The following ADGRV1 variants were observed in gnomAD, a reference collection of about 807,000 sequenced individuals.
The protein encoded by ADGRV1 is adhesion G protein-coupled receptor V1.
ADGRV1 carries 359 observed loss-of-function variants against 596.2 expected under a neutral mutation model. The observed-to-expected ratio is 0.60, with a 90% CI of 0.55 to 0.66. The LOEUF (loss-of-function observed/expected upper bound fraction) is 0.66, where lower values mean the gene tolerates loss of function less well. ADGRV1 is among the 30% of genes least tolerant of loss of function. The pLI, the probability that ADGRV1 is intolerant of heterozygous loss-of-function variation, is 0.00. For synonymous variants in ADGRV1, 2,681 were observed against 2,679.2 expected, an observed-to-expected ratio of 1.00 and a Z score of -0.02; for missense variants, 7,274 against 7,575.6, an observed-to-expected ratio of 0.96 and a Z score of 1.48.
intron 83 of ADGRV1, among the ~76,000 whole-genome samples, chr5:90,875,130 T>C (rs1367574074): frequency 6.6e-6 from 1 of 152,146 alleles, no homozygotes; most frequent in Non-Finnish European, 1.5e-5. Context: ...CAGTGAGCTA[T>C]GATTGTGAAT....
intron 85 of ADGRV1, among the ~76,000 whole-genome samples, chr5:91,043,396 G>A (rs1785529356): frequency 6.6e-6 from 1 of 152,070 alleles, no homozygotes; most frequent in South Asian, 2.1e-4. Context: ...GGGCTCTAGA[G>A]GTTCTTGCTA....
chr5:90,822,623 GT>G (rs1763677726), intron 75 of ADGRV1, among the ~76,000 whole-genome samples: 1 of 152,134 alleles, frequency 6.6e-6, no homozygotes, highest in Non-Finnish European at 1.5e-5. Flanking sequence ...CTCTTTTTTG[GT>G]TCCATATGAA....
At chr5:90,995,008 C>T (rs1781297916) in intron 85 of ADGRV1, among the ~76,000 whole-genome samples, 1 of 152,186 alleles carries the variant, frequency 6.6e-6, no homozygotes, top group Admixed American at 6.5e-5. Context: ...AGTCTAGGGC[C>T]TTCTCAGGTC....
chr5:90,936,609 C>G (rs1218114636), intron 83 of ADGRV1, among the ~76,000 whole-genome samples: 1 of 151,504 alleles, frequency 6.6e-6, no homozygotes, highest in Non-Finnish European at 1.5e-5. Flanking sequence ...ATATTTTTAT[C>G]TTTACTTGGC....
intron 1 of ADGRV1, among the ~76,000 whole-genome samples, chr5:90,576,519 GAC>G (rs1414778360): frequency 3.3e-5 from 5 of 152,124 alleles, no homozygotes; most frequent in Non-Finnish European, 7.3e-5. Flanking sequence ...ATCACTGATG[GAC>G]ATTTGGGTTG....
At chr5:90,712,094 TA>T (rs1006031644) in intron 41 of ADGRV1, among the ~76,000 whole-genome samples, 192 bp from the exon 42 acceptor site, 42 of 152,246 alleles carry the variant, frequency 2.8e-4, no homozygotes, top group African/African-American at 1.0e-3. Context: ...AGCCCCCTCT[TA>T]ATTTTTACTT....
At chr5:91,020,098 T>C (rs1015505285) in intron 85 of ADGRV1, among the ~76,000 whole-genome samples, 1 of 152,088 alleles carries the variant, frequency 6.6e-6, no homozygotes, top group African/African-American at 2.4e-5. Flanking sequence ...GCATATTGGC[T>C]ATGATTTCTT....
chr5:90,904,460 T>G (rs1280554709), intron 83 of ADGRV1, among the ~76,000 whole-genome samples: 1 of 152,136 alleles, frequency 6.6e-6, no homozygotes, highest in Non-Finnish European at 1.5e-5. Context: ...CCAGTTTAAC[T>G]GGGGTGAGCT....
At chr5:90,565,863 G>A in intron 1 of ADGRV1, among the ~76,000 whole-genome samples, 1 of 152,104 alleles carries the variant, frequency 6.6e-6, no homozygotes, top group Admixed American at 6.5e-5. Flanking sequence ...CCTATTCGGT[G>A]TGAAGTGGTA....
intron 85 of ADGRV1, among the ~76,000 whole-genome samples, chr5:91,054,869 C>A (rs896369089): frequency 9.2e-5 from 14 of 152,008 alleles, no homozygotes; most frequent in African/African-American, 3.4e-4. Context: ...TAGAGGAGGC[C>A]ACTGAGATTG....
rs1759142358 is a variant in ADGRV1 at position 90,783,940 on chromosome 5, T to A, written c.13536T>A (p.Ser4512=). ...GAATCATAATAGCTAAGAGTGACTCTCCCTTTGGAGTTATAAGGTTTCTCA... is the reference window on the plus strand; with the variant it reads ...GAATCATAATAGCTAAGAGTGACTCACCCTTTGGAGTTATAAGGTTTCTCA... The part of the protein sequence containing the change: ...VSRIIIAKSD[S]PFGVIRFLNQ... The change falls in exon 67 of 90, where the codon TCT becomes TCA. Residue 4512 remains serine (S), a synonymous_variant. Transcript: ENST00000405460. 1 of 1,612,258 alleles carries A rather than the reference T, an allele frequency of 6.2e-7. No individual in the cohort carries two copies. Among genetic ancestry groups the A allele is most frequent in the African/African-American group, 1.3e-5 (1 of 74,914 alleles).
intron 87 of ADGRV1, among the ~76,000 whole-genome samples, chr5:91,134,318 G>C (rs1186475953): frequency 1.3e-5 from 2 of 151,994 alleles, no homozygotes; most frequent in African/African-American, 4.8e-5. Flanking sequence ...ATCCCAGGTA[G>C]CTGGGATTAT....
chr5:90,976,314 GTGTGTGTGTA>G (rs1172400754), intron 84 of ADGRV1, among the ~76,000 whole-genome samples: 5 of 123,380 alleles, frequency 4.1e-5, no homozygotes, highest in African/African-American at 1.3e-4. Flanking sequence ...GTGTGTGTGT[GTGTGTGTGTA>G]TATATATATA....
At chr5:90,616,467 T>C (rs926145802) in intron 2 of ADGRV1, among the ~76,000 whole-genome samples, 3 of 152,162 alleles carry the variant, frequency 2.0e-5, no homozygotes, top group African/African-American at 7.2e-5. Flanking sequence ...AGTACAACTT[T>C]AGGTTGAGTT....
Position 90,651,613 on chromosome 5 carries a change from T to G in ADGRV1, c.3299T>G (p.Val1100Gly). The G allele has an allele frequency of 6.3e-7, 1 of 1,575,620 alleles. No individual in the cohort carries two copies. The highest frequency in any genetic ancestry group is 8.7e-7 in the Non-Finnish European group (1 of 1,147,726). ...IILLNSTGDT[V>G]VYQYGVATVI... ...TCCACTTTTAATTTAGGTGATACAG[T>G]AGTATATCAATATGGAGTAGCTACA... is the stretch of plus-strand genomic sequence containing the variant. Residue 1100 changes from valine (V) to glycine (G), a missense_variant, in exon 18 of 90, where the codon GTA becomes GGA. This residue lies in a region of ADGRV1 where 1,715 missense variants were observed against 1,708.8 expected (regional missense o/e 1.00). Coordinates refer to ENST00000405460, the MANE Select transcript of ADGRV1 (RefSeq NM_032119.4).
intron 83 of ADGRV1, among the ~76,000 whole-genome samples, chr5:90,869,614 G>T (rs1300626021): frequency 6.6e-6 from 1 of 152,132 alleles, no homozygotes; most frequent in Admixed American, 6.5e-5. Flanking sequence ...GAATTCAAAG[G>T]AAGGAATAAG....
intron 53 of ADGRV1, among the ~76,000 whole-genome samples, chr5:90,751,196 G>A (rs6891482): frequency 0.023 from 3,501 of 152,264 alleles, 129 homozygotes; most frequent in African/African-American, 0.081. Flanking sequence ...AGGATGTGAG[G>A]AAGGTGAGGA....
At chr5:90,584,703 T>C (rs1253764335) in intron 1 of ADGRV1, among the ~76,000 whole-genome samples, 1 of 152,226 alleles carries the variant, frequency 6.6e-6, no homozygotes, top group East Asian at 1.9e-4. Context: ...TGAGCAGTCA[T>C]TGAGCAAGTG....
intron 84 of ADGRV1, among the ~76,000 whole-genome samples, chr5:90,972,950 A>G (rs979502861): frequency 3.3e-5 from 5 of 152,244 alleles, no homozygotes; most frequent in African/African-American, 7.2e-5. Context: ...CTGATAGACC[A>G]CTAGCAAGAC....
Sources: allele counts gnomAD v4.1 joint callset (sites outside exome capture counted in the v4.1 genomes callset), GRCh38; gene constraint gnomAD v4.1.1; regional missense constraint gnomAD v4.1.1; transcripts MANE v1.5; gene names NCBI Gene and HGNC (gene_info 2026-07-23, HGNC 2026-07-21).